Variants in NCKAP5 observed in about 807,000 individuals in gnomAD.
The protein encoded by NCKAP5 is nck-associated protein 5.
A neutral mutation model predicts 167.0 loss-of-function variants in NCKAP5; 92 were observed. The observed-to-expected ratio is 0.55, with a 90% CI of 0.47 to 0.66. The LOEUF (loss-of-function observed/expected upper bound fraction) is 0.66, where lower values mean the gene tolerates loss of function less well. Ranked by LOEUF, NCKAP5 falls within the 30% of genes least tolerant of loss-of-function variation. The pLI is 0.00. For synonymous variants in NCKAP5, 891 were observed against 877.4 expected, an observed-to-expected ratio of 1.02 and a Z score of -0.27; for missense variants, 2,378 against 2,315.0, an observed-to-expected ratio of 1.03 and a Z score of -0.56.
chr2:133,657,155 C>G, the NCKAP5 span, among the ~76,000 whole-genome samples: 1 of 152,318 alleles, frequency 6.6e-6, no homozygotes, highest in East Asian at 1.9e-4. Flanking sequence ...TCTCCCAATG[C>G]CACCACCACC....
chr2:132,901,081 T>C (rs551503696), intron 8 of NCKAP5, among the ~76,000 whole-genome samples: 1 of 152,316 alleles, frequency 6.6e-6, no homozygotes, highest in East Asian at 1.9e-4. Context: ...ACTTTTTGCT[T>C]TTCTGCCCTT....
the NCKAP5 span, among the ~76,000 whole-genome samples, chr2:133,593,225 T>C: frequency 6.6e-5 from 10 of 152,326 alleles, no homozygotes; most frequent in East Asian, 1.9e-3. Context: ...TGATATACAC[T>C]ATCTGTTATC....
At chr2:132,829,815 T>C (rs2105360033) in intron 11 of NCKAP5, among the ~76,000 whole-genome samples, 1 of 152,320 alleles carries the variant, frequency 6.6e-6, no homozygotes, top group East Asian at 1.9e-4. Flanking sequence ...GGGACCTCAG[T>C]TGAGAACCAC....
At chr2:133,537,844 A>T (rs183896338) in intron 2 of NCKAP5, among the ~76,000 whole-genome samples, 1 of 152,298 alleles carries the variant, frequency 6.6e-6, no homozygotes, top group Admixed American at 6.5e-5. Flanking sequence ...AATAAATTAT[A>T]AGACTTCCAT....
At chr2:132,796,345 C>T (rs1684605599) in intron 12 of NCKAP5, among the ~76,000 whole-genome samples, 1 of 152,030 alleles carries the variant, frequency 6.6e-6, no homozygotes, top group Admixed American at 6.5e-5. Context: ...TAAAAAGCTC[C>T]TTGACCATTT....
chr2:133,669,254 G>A, the NCKAP5 span, among the ~76,000 whole-genome samples: 11,005 of 152,050 alleles, frequency 0.072, 685 homozygotes, highest in East Asian at 0.18. Context: ...ATCTTTCCCC[G>A]GAATAAATGC....
intron 6 of NCKAP5, among the ~76,000 whole-genome samples, chr2:133,102,674 C>CA (rs367742873): frequency 1.2e-4 from 18 of 151,818 alleles, no homozygotes; most frequent in African/African-American, 4.3e-4. Context: ...CTGTTACCTC[C>CA]ATGATCATGC....
At chr2:132,895,861 G>T (rs547291112) in intron 8 of NCKAP5, among the ~76,000 whole-genome samples, 2 of 149,770 alleles carry the variant, frequency 1.3e-5, no homozygotes, top group African/African-American at 2.5e-5. Flanking sequence ...TAGGCCAGGC[G>T]CAGTGGCCCA....
intron 6 of NCKAP5, among the ~76,000 whole-genome samples, chr2:133,094,169 C>CGT (rs2081276315): frequency 6.6e-6 from 1 of 152,004 alleles, no homozygotes; most frequent in Admixed American, 6.5e-5. Context: ...ACATTGTCGC[C>CGT]GGATAATACC....
At chr2:133,128,669 C>A (rs1295035683) in intron 6 of NCKAP5, among the ~76,000 whole-genome samples, 1 of 151,946 alleles carries the variant, frequency 6.6e-6, no homozygotes, top group Non-Finnish European at 1.5e-5. Flanking sequence ...GCAATCTCGG[C>A]TCACTGCAAA....
At position 132,920,751 on chromosome 2, in the gene NCKAP5, A is replaced by G. The variant is rs1490029146; in HGVS notation, c.580-41835T>C. Among the ~76,000 whole-genome samples, 40 of 74,480 alleles carry G rather than the reference A, an allele frequency of 5.4e-4. 2 individuals are homozygous for G. The highest frequency in any genetic ancestry group is 3.0e-3 in the African/African-American group (37 of 12,416). 48.9% of individuals were successfully genotyped at this position (74,480 alleles called of 152,430 possible). ...TATATATGTATATATATGTGTATATATATATGTATATATATGTATGTATAT... is the reference window on the plus strand; with the variant it reads ...TATATATGTATATATATGTGTATATGTATATGTATATATATGTATGTATAT... On this transcript the variant is annotated intron_variant, in intron 8 of 19. Coordinates refer to ENST00000409261, the MANE Select transcript of NCKAP5 (RefSeq NM_207363.3).
At chr2:133,043,443 C>T (rs1292005445) in intron 6 of NCKAP5, among the ~76,000 whole-genome samples, 1 of 152,088 alleles carries the variant, frequency 6.6e-6, no homozygotes, top group African/African-American at 2.4e-5. Context: ...TCTTTGGCTT[C>T]CTTGGGCCAC....
At chr2:133,548,751 C>T (rs897731992) in intron 2 of NCKAP5, among the ~76,000 whole-genome samples, 1 of 152,078 alleles carries the variant, frequency 6.6e-6, no homozygotes, top group Non-Finnish European at 1.5e-5. Context: ...AAAGGAAAAA[C>T]CGGTACCAGC....
chr2:133,159,862 A>T (rs1473117822), intron 5 of NCKAP5, among the ~76,000 whole-genome samples: 1 of 152,196 alleles, frequency 6.6e-6, no homozygotes, highest in Admixed American at 6.5e-5. Flanking sequence ...ACACATAATG[A>T]GCCTCCTAAA....
At chr2:132,900,421 C>A (rs915257147) in intron 8 of NCKAP5, among the ~76,000 whole-genome samples, 9 of 152,188 alleles carry the variant, frequency 5.9e-5, no homozygotes, top group Admixed American at 4.6e-4. Context: ...TGTCTCTAGA[C>A]ATGGCTAAAT....
intron 5 of NCKAP5, among the ~76,000 whole-genome samples, chr2:133,140,381 C>A (rs540879549): frequency 2.0e-5 from 3 of 152,260 alleles, no homozygotes; most frequent in African/African-American, 7.2e-5. Context: ...CAACTCTGTT[C>A]CTTTTCTGTC....
chr2:133,276,655 C>T (rs2089742491), intron 4 of NCKAP5, among the ~76,000 whole-genome samples: 1 of 151,896 alleles, frequency 6.6e-6, no homozygotes, highest in African/African-American at 2.4e-5. Flanking sequence ...TACTTCAGGA[C>T]ATGGAAAATG....
At chr2:132,786,112 T>C (rs1683543956) in intron 13 of NCKAP5, among the ~76,000 whole-genome samples, 1 of 152,156 alleles carries the variant, frequency 6.6e-6, no homozygotes, top group Non-Finnish European at 1.5e-5. Context: ...AGGAAAGGTA[T>C]ATATATTTTT....
At chr2:133,621,653 A>T in the NCKAP5 span, among the ~76,000 whole-genome samples, 11 of 152,254 alleles carry the variant, frequency 7.2e-5, no homozygotes, top group South Asian at 2.3e-3. Flanking sequence ...AAAAATTGCC[A>T]ACAAAAAAAG....
Sources: allele counts gnomAD v4.1 joint callset (sites outside exome capture counted in the v4.1 genomes callset), GRCh38; gene constraint gnomAD v4.1.1; transcripts MANE v1.5; gene names NCBI Gene and HGNC (gene_info 2026-07-23, HGNC 2026-07-21).